Variants in ADAM9 observed in about 807,000 individuals in gnomAD.
ADAM9 encodes the protein ADAM metallopeptidase domain 9.
Under a neutral mutation model 108.1 loss-of-function variants are expected in ADAM9, and 54 were observed. The observed-to-expected ratio is 0.50, with a 90% CI of 0.40 to 0.63. The LOEUF (loss-of-function observed/expected upper bound fraction) is 0.63, where lower values mean the gene tolerates loss of function less well. ADAM9 is among the 20% of genes least tolerant of loss of function. The probability of loss-of-function intolerance (pLI) is 0.00; values close to 1 mark genes in which losing one functional copy is unlikely to be tolerated. For synonymous variants in ADAM9, 316 were observed against 336.0 expected (o/e 0.94, Z 0.65); for missense variants, 830 against 997.7 (o/e 0.83, Z 2.26).
chr8:39,014,555 C>G (rs759574341), intron 4 of ADAM9: 1 of 702,466 alleles, frequency 1.4e-6, no homozygotes, highest in South Asian at 1.5e-5. Flanking sequence ...CCAGAATACC[C>G]AAAATAATTG....
At chr8:39,031,986 C>T (rs545787889) in intron 11 of ADAM9, among the ~76,000 whole-genome samples, 1 of 152,336 alleles carries the variant, frequency 6.6e-6, no homozygotes, top group Non-Finnish European at 1.5e-5. Flanking sequence ...GTGGAGGCTG[C>T]AGAACAGCAA....
intron 15 of ADAM9, chr8:39,076,360 G>A (rs1234515221): frequency 2.0e-5 from 3 of 152,212 alleles, no homozygotes; most frequent in Non-Finnish European, 4.4e-5. Context: ...GTCTCATGGG[G>A]AAGATCTGGG....
At chr8:39,004,373 C>G (rs1411679565) in intron 1 of ADAM9, among the ~76,000 whole-genome samples, 1 of 151,882 alleles carries the variant, frequency 6.6e-6, no homozygotes, top group African/African-American at 2.4e-5. Flanking sequence ...GCCACCATGC[C>G]CCACTAATTT....
intron 18 of ADAM9, among the ~76,000 whole-genome samples, chr8:39,088,399 C>T (rs947719135): frequency 1.8e-4 from 27 of 151,884 alleles, no homozygotes; most frequent in Non-Finnish European, 3.2e-4. Context: ...GGACTACAGG[C>T]GCCTGCCACC....
rs1838683131 is a variant in ADAM9, at chr8:39,071,385, A to G, written c.1679A>G (p.Tyr560Cys). Residue 560 changes from tyrosine to cysteine, a missense_variant, in exon 15 of 22, where the codon TAC becomes TGC. By Grantham distance (194) the Tyr-to-Cys change is radical (BLOSUM62 -2). This residue lies in a region of ADAM9 where 381 missense variants were observed against 539.8 expected (regional missense o/e 0.71). Transcript: ENST00000487273. Reference sequence around the variant, plus strand: ...AATTGTGGTTTCTCTGGCAATGAATACAAGAAGTGTGCCACTGGGTAAGTG... The same window carrying G: ...AATTGTGGTTTCTCTGGCAATGAATGCAAGAAGTGTGCCACTGGGTAAGTG... ...FGNCGFSGNEYKKCATGNALC... is the reference protein window; with the variant it reads ...FGNCGFSGNECKKCATGNALC... 6.2e-7 allele frequency: 1 copy of G among 1,613,862 alleles called. No homozygotes were observed. The highest frequency in any genetic ancestry group is 1.3e-5 in the African/African-American group (1 of 74,896).
chr8:38,999,722 A>T (rs1835937704), intron 1 of ADAM9, among the ~76,000 whole-genome samples: 1 of 152,200 alleles, frequency 6.6e-6, no homozygotes, highest in Non-Finnish European at 1.5e-5. Flanking sequence ...GGTTTCCAAG[A>T]CAGTTTTCAA....
chr8:39,021,820 A>C, intron 8 of ADAM9, 106 bp downstream of exon 8: 2 of 964,432 alleles, frequency 2.1e-6, no homozygotes, highest in Non-Finnish European at 3.3e-6. Context: ...ATAGGGCCTC[A>C]ATGACTTAGT....
chr8:39,000,047 T>C (rs1284786682), intron 1 of ADAM9, among the ~76,000 whole-genome samples: 1 of 152,106 alleles, frequency 6.6e-6, no homozygotes, highest in Non-Finnish European at 1.5e-5. Flanking sequence ...TTTTTTGAGA[T>C]GGAGTCTTGC....
chr8:39,043,564 T>C (rs1837519885), intron 12 of ADAM9, among the ~76,000 whole-genome samples: 1 of 152,210 alleles, frequency 6.6e-6, no homozygotes, highest in Admixed American at 6.5e-5. Flanking sequence ...GTTGGCTATT[T>C]GTGTGTCTTC....
intron 15 of ADAM9, among the ~76,000 whole-genome samples, chr8:39,074,424 C>T (rs1448388950): frequency 1.3e-5 from 2 of 152,000 alleles, no homozygotes; most frequent in South Asian, 2.1e-4. Flanking sequence ...TATCCCAGAC[C>T]AAGACATTAT....
At chr8:39,100,317 G>A (rs1326009216) in intron 20 of ADAM9, among the ~76,000 whole-genome samples, 2 of 151,426 alleles carry the variant, frequency 1.3e-5, no homozygotes, top group African/African-American at 2.4e-5. Context: ...GTGAAACCCC[G>A]TCTCTACTAA....
chr8:39,024,157 A>G (rs1189206544), intron 9 of ADAM9, among the ~76,000 whole-genome samples: 1 of 152,056 alleles, frequency 6.6e-6, no homozygotes, highest in Non-Finnish European at 1.5e-5. Flanking sequence ...GACCTTTTGT[A>G]TGTGGCCTGT....
intron 1 of ADAM9, among the ~76,000 whole-genome samples, chr8:39,004,983 G>A (rs186193574): frequency 5.3e-4 from 81 of 152,276 alleles, no homozygotes; most frequent in African/African-American, 1.9e-3. Context: ...CTCATTCTGT[G>A]ACTAAGAATG....
intron 11 of ADAM9, among the ~76,000 whole-genome samples, chr8:39,034,363 C>T (rs1360068375): frequency 1.3e-5 from 2 of 152,126 alleles, no homozygotes; most frequent in African/African-American, 4.8e-5. Flanking sequence ...AAGGCTATAT[C>T]GTGCCTTAAC....
At chr8:39,075,158 T>G (rs1838815482) in intron 15 of ADAM9, among the ~76,000 whole-genome samples, 1 of 152,094 alleles carries the variant, frequency 6.6e-6, no homozygotes, top group African/African-American at 2.4e-5. Flanking sequence ...CCGCTTACCT[T>G]AGCCTCCCAA....
Position 39,055,670 on chromosome 8 carries a change from G to T in ADAM9, c.1489G>T (p.Val497Phe), listed in dbSNP as rs1838096593. The change falls in exon 14 of 22, where the codon GTT becomes TTT. Residue 497 changes from valine to phenylalanine, a missense_variant. This residue lies in a region of ADAM9 where 381 missense variants were observed against 539.8 expected (regional missense o/e 0.71). Coordinates refer to ENST00000487273, the MANE Select transcript of ADAM9 (RefSeq NM_003816.3). Reference sequence around the variant, plus strand: ...TTCTTCTCAGTTCTGTCAGCCAGATGTTTTTATTCAGAATGGATATCCTTG... The same window carrying T: ...TTCTTCTCAGTTCTGTCAGCCAGATTTTTTTATTCAGAATGGATATCCTTG... Reference protein sequence around the residue: ...NGSSQFCQPDVFIQNGYPCQN... With the variant: ...NGSSQFCQPDFFIQNGYPCQN... 1 of 1,613,770 alleles carries T rather than the reference G, an allele frequency of 6.2e-7. No homozygotes were observed.
intron 11 of ADAM9, 134 bp downstream of exon 11, chr8:39,026,944 A>T: frequency 1.7e-6 from 2 of 1,154,914 alleles, no homozygotes; most frequent in Non-Finnish European, 2.5e-6. Context: ...ATTGCATGAC[A>T]TACCAATGAG....
chr8:39,064,801 G>A (rs1444714191), intron 14 of ADAM9, among the ~76,000 whole-genome samples: 2 of 152,090 alleles, frequency 1.3e-5, no homozygotes, highest in Admixed American at 6.5e-5. Context: ...GTTTTATTTG[G>A]ACTAAATACT....
Position 39,055,673 on chromosome 8 carries a change from T to G in ADAM9, c.1492T>G (p.Phe498Val). 3 of 1,613,798 alleles carry G rather than the reference T, an allele frequency of 1.9e-6. No individual in the cohort carries two copies. Among genetic ancestry groups the G allele is most frequent in the Non-Finnish European group, 2.5e-6 (3 of 1,179,762 alleles). ...GSSQFCQPDV[F>V]IQNGYPCQNN... The stretch of plus-strand genomic sequence containing the variant: ...TTCTCAGTTCTGTCAGCCAGATGTT[T>G]TTATTCAGAATGGATATCCTTGCCA... Residue 498 changes from phenylalanine (F) to valine (V), a missense_variant, in exon 14 of 22, where the codon TTT becomes GTT. Phe to Val is a conservative substitution (Grantham distance 50, BLOSUM62 -1). Coordinates refer to ENST00000487273, the MANE Select transcript of ADAM9 (RefSeq NM_003816.3).
Sources: allele counts gnomAD v4.1 joint callset (sites outside exome capture counted in the v4.1 genomes callset), GRCh38; gene constraint gnomAD v4.1.1; regional missense constraint gnomAD v4.1.1; transcripts MANE v1.5; gene names NCBI Gene and HGNC (gene_info 2026-07-23, HGNC 2026-07-21).